DOCK2: variants seen among roughly 807,000 people sequenced by gnomAD.
The protein encoded by DOCK2 is dedicator of cytokinesis 2.
In DOCK2, 87 loss-of-function variants were observed where a neutral mutation model predicts 248.9. The observed-to-expected ratio is 0.35, with a 90% confidence interval of 0.29 to 0.42. DOCK2 has a LOEUF of 0.42. Ranked by LOEUF, DOCK2 falls within the 10% of genes least tolerant of loss-of-function variation. The pLI, the probability that DOCK2 is intolerant of heterozygous loss-of-function variation, is 1.00. For synonymous variants in DOCK2, 805 were observed against 821.6 expected (o/e 0.98, Z 0.35); for missense variants, 1,747 against 2,300.2 (o/e 0.76, Z 4.92).
intron 25 of DOCK2, among the ~76,000 whole-genome samples, chr5:169,800,800 G>A (rs573529402): frequency 5.9e-5 from 9 of 152,196 alleles, no homozygotes; most frequent in East Asian, 1.9e-4. Context: ...ACTAGTTATC[G>A]GAGAGGAGAG....
chr5:169,748,713 C>T (rs6868156), intron 23 of DOCK2, among the ~76,000 whole-genome samples: 5,238 of 152,252 alleles, frequency 0.034, 114 homozygotes, highest in African/African-American at 0.057. Context: ...AGGTTAGGAA[C>T]ATAAATACCC....
intron 22 of DOCK2, among the ~76,000 whole-genome samples, chr5:169,742,308 C>CT (rs1274819813): frequency 6.6e-5 from 10 of 152,208 alleles, no homozygotes; most frequent in African/African-American, 2.4e-4. Flanking sequence ...CTAGACTCTG[C>CT]TAATGGCTTT....
chr5:169,673,186 T>C lies in DOCK2; in HGVS notation c.322-1111T>C, dbSNP rs187005029. 3.6e-3 allele frequency among the ~76,000 whole-genome samples: 546 copies of C among 151,966 alleles called. 1 individual carries two copies. Among genetic ancestry groups the C allele is most frequent in the Admixed American group, 6.2e-3 (95 of 15,236 alleles). On this transcript the variant is annotated intron_variant, in intron 5 of 51. Transcript: ENST00000520908. ...CCCTCTAATCATGTGATTGGGGGTT[T>C]GGTTCCTAGTTGGTTCCTCTGCAAC...
chr5:169,964,096 C>T (rs1777201256), intron 27 of DOCK2, among the ~76,000 whole-genome samples: 1 of 152,142 alleles, frequency 6.6e-6, no homozygotes, highest in South Asian at 2.1e-4. Flanking sequence ...ACCTTCCCTG[C>T]CATCTACCAC....
At chr5:169,829,313 G>A (rs1277280631) in intron 26 of DOCK2, among the ~76,000 whole-genome samples, 2 of 152,192 alleles carry the variant, frequency 1.3e-5, no homozygotes, top group Non-Finnish European at 2.9e-5. Context: ...TAAACATTCA[G>A]TAATTTTCTG....
rs569473038 is a variant in DOCK2, at chr5:169,795,998, T to C, written c.2555-7060T>C. Among the ~76,000 whole-genome samples, 112 of 152,018 alleles carry C rather than the reference T, an allele frequency of 7.4e-4. 1 individual carries two copies. Among genetic ancestry groups the C allele is most frequent in the African/African-American group, 2.6e-3 (109 of 41,460 alleles). On this transcript the variant is annotated intron_variant, in intron 25 of 51. Coordinates refer to ENST00000520908, the MANE Select transcript of DOCK2 (RefSeq NM_004946.3). ...ATTTCACCTTAAAGTCTGTGAAAAA[T>C]GGAACAGGATTGAAGAGTCGATTAA...
intron 27 of DOCK2, among the ~76,000 whole-genome samples, chr5:169,959,481 T>A (rs1283453497): frequency 2.6e-5 from 4 of 152,194 alleles, no homozygotes; most frequent in African/African-American, 9.7e-5. Flanking sequence ...AAAAGAAGTT[T>A]ATGGTTCAAC....
intron 25 of DOCK2, among the ~76,000 whole-genome samples, chr5:169,793,553 C>T (rs1265023377): frequency 2.0e-5 from 3 of 152,130 alleles, no homozygotes; most frequent in Non-Finnish European, 4.4e-5. Context: ...GCCTGGTAGA[C>T]AGTCAGGGTG....
intron 22 of DOCK2, among the ~76,000 whole-genome samples, chr5:169,735,184 ATTC>A (rs1366210069): frequency 1.3e-5 from 2 of 152,148 alleles, no homozygotes; most frequent in African/African-American, 4.8e-5. Flanking sequence ...ATTTCTTTTT[ATTC>A]TTCTTAGGAT....
At chr5:170,026,062 A>G (rs1755904349) in intron 33 of DOCK2, among the ~76,000 whole-genome samples, 2 of 151,938 alleles carry the variant, frequency 1.3e-5, no homozygotes, top group South Asian at 4.1e-4. Context: ...GAGGCAACTC[A>G]CCGGAAATTC....
chr5:169,732,460 C>T (rs947710478), intron 22 of DOCK2, among the ~76,000 whole-genome samples: 2 of 152,170 alleles, frequency 1.3e-5, no homozygotes, highest in Non-Finnish European at 2.9e-5. Context: ...TCACCAAGTT[C>T]CAGATCCATA....
chr5:169,657,967 G>A (rs2113205574), intron 2 of DOCK2, among the ~76,000 whole-genome samples: 1 of 152,230 alleles, frequency 6.6e-6, no homozygotes, highest in East Asian at 1.9e-4. Context: ...GAGGAGAATG[G>A]AAGATAATAG....
At chr5:170,037,479 AATT>A (rs1398799384) in intron 36 of DOCK2, among the ~76,000 whole-genome samples, 29 of 139,276 alleles carry the variant, frequency 2.1e-4, no homozygotes, top group African/African-American at 7.9e-4. Context: ...CACAAAAACA[AATT>A]TTTTTTTTTT....
rs141749856 is a variant in DOCK2 at position 169,949,109 on chromosome 5, T to C, written c.2800-33959T>C. 2.9e-3 allele frequency among the ~76,000 whole-genome samples: 441 copies of C among 152,358 alleles called. 3 individuals are homozygous for C. Among genetic ancestry groups the C allele is most frequent in the African/African-American group, 0.01 (429 of 41,588 alleles). On this transcript the variant is annotated intron_variant, in intron 27 of 51. Coordinates refer to ENST00000520908, the MANE Select transcript of DOCK2 (RefSeq NM_004946.3). The stretch of plus-strand genomic sequence containing the variant: ...ATGTGGATAAAAGTGTATAGCCCTG[T>C]ATTCGAATTTCCTTGGCATCTTTTT...
chr5:169,763,363 A>T lies in DOCK2; in HGVS notation c.2554+1738A>T, dbSNP rs1764592126. ...AGGCAAATTGAGTCCCATCCTAGAG[A>T]CATGACAAGGACGACTCTAGCTACG... On this transcript the variant is annotated intron_variant, in intron 25 of 51. Transcript: ENST00000520908. The surrounding 1 kb of genome is among the most constrained non-coding windows in gnomAD (Gnocchi z 4.1). Among the ~76,000 whole-genome samples, 1 of 152,188 alleles carries T rather than the reference A, an allele frequency of 6.6e-6. No homozygotes were observed. The highest frequency in any genetic ancestry group is 1.5e-5 in the Non-Finnish European group (1 of 68,030).
intron 38 of DOCK2, among the ~76,000 whole-genome samples, chr5:170,043,572 C>A (rs1446948150): frequency 6.6e-6 from 1 of 152,188 alleles, no homozygotes; most frequent in Non-Finnish European, 1.5e-5. Flanking sequence ...GACCCTTCTA[C>A]CTTCTCTGGA....
intron 35 of DOCK2, 126 bp downstream of exon 35, chr5:170,034,681 TG>T: frequency 7.4e-7 from 1 of 1,344,388 alleles, no homozygotes; most frequent in South Asian, 1.5e-5. Flanking sequence ...CAGACAAATG[TG>T]GAATGGAACG....
Position 170,077,828 on chromosome 5 carries a change from C to T in DOCK2, c.4985C>T (p.Thr1662Ile), listed in dbSNP as rs771606220. ...GACTGCAGCACCCCCAGCAAGCCTA[C>T]CTCAGAGAGGTCAGTCCCTGCACCC... The part of the protein sequence containing the change: ...NSDCSTPSKP[T>I]SESFDLELAS... Residue 1662 changes from threonine (T) to isoleucine (I), a missense_variant, in exon 48 of 52, where the codon ACC (threonine) becomes ATC (isoleucine). Around this residue, in one of 4 missense-constraint regions of DOCK2, gnomAD observed 513 missense variants for 586.1 expected, o/e 0.88. Coordinates refer to ENST00000520908, the MANE Select transcript of DOCK2 (RefSeq NM_004946.3). 1.2e-6 allele frequency: 2 copies of T among 1,613,126 alleles called. No individual in the cohort carries two copies. Among genetic ancestry groups the T allele is most frequent in the South Asian group, 2.2e-5 (2 of 91,058 alleles).
At chr5:169,780,066 G>T (rs1216645710) in intron 25 of DOCK2, among the ~76,000 whole-genome samples, 1 of 152,130 alleles carries the variant, frequency 6.6e-6, no homozygotes, top group Non-Finnish European at 1.5e-5. Context: ...TCTACTTTGG[G>T]GGTCATGTAT....
Sources: gnomAD v4.1 joint callset for allele counts (sites outside exome capture counted in the v4.1 genomes callset) on GRCh38, gnomAD v4.1.1 for gene constraint, gnomAD v4.1.1 regional missense constraint, Gnocchi (gnomAD v3.1) non-coding constraint, MANE v1.5 for transcripts, NCBI Gene and HGNC (gene_info 2026-07-23, HGNC 2026-07-21) for gene names.